SLC8A1: variants seen among roughly 807,000 people sequenced by gnomAD.
SLC8A1 encodes solute carrier family 8 member A1.
SLC8A1 carries 18 observed loss-of-function variants against 68.3 expected under a neutral mutation model. That is an observed-to-expected ratio of 0.26 (90% CI 0.18 to 0.39). The LOEUF (loss-of-function observed/expected upper bound fraction) is 0.39, where lower values mean the gene tolerates loss of function less well. Among genes scored for constraint, SLC8A1 ranks in the 10% least tolerant of loss-of-function variants. The probability of loss-of-function intolerance (pLI) is 1.00; values close to 1 mark genes in which losing one functional copy is unlikely to be tolerated. For missense variants in SLC8A1, 985 were observed against 1,156.7 expected (o/e 0.85, Z 2.15); for synonymous variants, 475 against 415.5 (o/e 1.14, Z -1.74).
At chr2:40,272,172 C>T in intron 2 of SLC8A1, among the ~76,000 whole-genome samples, 1 of 152,146 alleles carries the variant, frequency 6.6e-6, no homozygotes, top group Non-Finnish European at 1.5e-5. Flanking sequence ...CTGGCCAAAA[C>T]TTATTTTTTA....
chr2:40,511,816 T>C (rs1348055969), intron 1 of SLC8A1, among the ~76,000 whole-genome samples: 1 of 152,130 alleles, frequency 6.6e-6, no homozygotes, highest in African/African-American at 2.4e-5. Flanking sequence ...TTGAACAGGA[T>C]GTAATCAACC....
chr2:40,252,811 T>A, intron 2 of SLC8A1, among the ~76,000 whole-genome samples: 2 of 145,220 alleles, frequency 1.4e-5, no homozygotes, highest in African/African-American at 5.2e-5. Flanking sequence ...TATATGTACA[T>A]ATACATATAT....
chr2:40,225,933 G>A (rs991372901), intron 2 of SLC8A1, among the ~76,000 whole-genome samples: 1 of 152,178 alleles, frequency 6.6e-6, no homozygotes, highest in Non-Finnish European at 1.5e-5. Flanking sequence ...CTGCTTTGCA[G>A]ACAATCCTGA....
chr2:40,121,792 A>G (rs920742645), intron 7 of SLC8A1, among the ~76,000 whole-genome samples: 1 of 152,240 alleles, frequency 6.6e-6, no homozygotes, highest in African/African-American at 2.4e-5. Flanking sequence ...CAATGATTCT[A>G]TACTTTTAAG....
At chr2:40,492,502 A>C (rs1247079264) in intron 1 of SLC8A1, among the ~76,000 whole-genome samples, 2 of 152,050 alleles carry the variant, frequency 1.3e-5, no homozygotes, top group Non-Finnish European at 2.9e-5. Context: ...ATGGGATCTA[A>C]TTAAACTAAA....
At chr2:40,388,699 A>G (rs1020623159) in intron 2 of SLC8A1, among the ~76,000 whole-genome samples, 1 of 152,208 alleles carries the variant, frequency 6.6e-6, no homozygotes, top group Non-Finnish European at 1.5e-5. Context: ...ACCAAATCAA[A>G]TAACGCAAAG....
chr2:40,373,974 A>T (rs2149519743), intron 2 of SLC8A1, among the ~76,000 whole-genome samples: 1 of 152,266 alleles, frequency 6.6e-6, no homozygotes. Context: ...TGCTCTTCTC[A>T]AGAAATCTGA....
intron 2 of SLC8A1, among the ~76,000 whole-genome samples, chr2:40,380,059 A>T (rs776139421): frequency 9.9e-5 from 15 of 152,162 alleles, no homozygotes; most frequent in Non-Finnish European, 2.2e-4. Flanking sequence ...CTACAATGAA[A>T]ATCATGGAAA....
chr2:40,160,578 C>T (rs145399814), intron 6 of SLC8A1, among the ~76,000 whole-genome samples, 187 bp downstream of exon 9: 6 of 152,292 alleles, frequency 3.9e-5, no homozygotes, highest in South Asian at 2.1e-4. Flanking sequence ...TGTGTGAAGA[C>T]ATTTGCTTCA....
rs771602338 is a variant in SLC8A1 at position 40,428,440 on chromosome 2, C to G, written c.1808+33G>C. The G allele has an allele frequency of 3.7e-5, 55 of 1,498,122 alleles. No homozygotes were observed. The African/African-American group carries it at 5.6e-4, about 15-fold the overall frequency. 92.8% of individuals were successfully genotyped at this position (1,498,122 alleles called of 1,614,324 possible). A position where few individuals can be genotyped will look rare whatever the true frequency, so the allele number is the denominator to read the frequency against. ...ACACTGAACCACACACACACACACA[C>G]ACACACACACACATATATAATATAG... On this transcript the variant is annotated intron_variant, in intron 2 of 7. Transcript: ENST00000406785.
At chr2:40,354,138 A>G (rs1402023895) in intron 2 of SLC8A1, among the ~76,000 whole-genome samples, 1 of 152,174 alleles carries the variant, frequency 6.6e-6, no homozygotes, top group Non-Finnish European at 1.5e-5. Flanking sequence ...TATGCGCTAT[A>G]CCACTTTGCA....
chr2:40,299,107 G>A (rs947009987), intron 2 of SLC8A1, among the ~76,000 whole-genome samples: 23 of 152,242 alleles, frequency 1.5e-4, no homozygotes, highest in African/African-American at 5.3e-4. Flanking sequence ...CTCACCAAGT[G>A]ACCTGGATTT....
At chr2:40,162,004 CA>C (rs1468003164) in intron 5 of SLC8A1, among the ~76,000 whole-genome samples, 2 of 152,182 alleles carry the variant, frequency 1.3e-5, no homozygotes, top group African/African-American at 4.8e-5. Context: ...ATCATAATAT[CA>C]AGCATGTTTG....
chr2:40,371,595 A>G (rs551851235), intron 2 of SLC8A1, among the ~76,000 whole-genome samples: 1 of 152,284 alleles, frequency 6.6e-6, no homozygotes, highest in Admixed American at 6.5e-5. Flanking sequence ...TACATAGTCA[A>G]CTTGCACATA....
In SLC8A1 at chr2:40,269,170, A is replaced by C. The variant is rs188124246; in HGVS notation, c.1809-91315T>G. ...GACTAAGAACTTTACTTCGTCAATC[A>C]ATCCAGGTTTTTGTCTTTATTATAG... On this transcript the variant is annotated intron_variant, in intron 2 of 7. Coordinates refer to ENST00000406785, the Ensembl canonical transcript of SLC8A1. 2.0e-3 allele frequency among the ~76,000 whole-genome samples: 302 copies of C among 152,334 alleles called. 1 individual carries two copies. Among genetic ancestry groups the C allele is most frequent in the African/African-American group, 7.0e-3 (290 of 41,574 alleles).
intron 7 of SLC8A1, among the ~76,000 whole-genome samples, chr2:40,128,816 G>A (rs748016433): frequency 6.6e-6 from 1 of 152,180 alleles, no homozygotes; most frequent in Admixed American, 6.5e-5. Flanking sequence ...ATTCTGTGAT[G>A]AATAAAACAA....
At chr2:40,219,551 A>C (rs2058002361) in intron 2 of SLC8A1, among the ~76,000 whole-genome samples, 1 of 152,226 alleles carries the variant, frequency 6.6e-6, no homozygotes, top group East Asian at 1.9e-4. Context: ...AAATATACCC[A>C]TGTAGTTTCC....
At chr2:40,427,252 G>C (rs908157540) in intron 2 of SLC8A1, among the ~76,000 whole-genome samples, 4 of 152,054 alleles carry the variant, frequency 2.6e-5, no homozygotes, top group African/African-American at 9.6e-5. Flanking sequence ...TGTTCTCTCT[G>C]CCCATCCCCT....
chr2:40,301,051 G>T (rs115481772), intron 2 of SLC8A1, among the ~76,000 whole-genome samples: 1 of 152,196 alleles, frequency 6.6e-6, no homozygotes, highest in African/African-American at 2.4e-5. Context: ...GAAGAAAAAC[G>T]TTCAAGGAAG....
Sources: allele counts gnomAD v4.1 joint callset (sites outside exome capture counted in the v4.1 genomes callset), GRCh38; gene constraint gnomAD v4.1.1; transcripts MANE v1.5; gene names NCBI Gene and HGNC (gene_info 2026-07-23, HGNC 2026-07-21).